The following RSF1 variants were observed in gnomAD, a reference collection of about 807,000 sequenced individuals.
The protein encoded by RSF1 is HBV pX-associated protein 8.
RSF1 carries 13 observed loss-of-function variants against 145.2 expected under a neutral mutation model. The ratio of observed to expected loss-of-function variants is 0.09; its 90% CI spans 0.06 to 0.14. The LOEUF is 0.14. RSF1 is among the 10% of genes least tolerant of loss of function. The probability of loss-of-function intolerance (pLI) is 1.00; values close to 1 mark genes in which losing one functional copy is unlikely to be tolerated. For missense variants in RSF1, 1,517 were observed against 1,718.2 expected, an observed-to-expected ratio of 0.88 and a Z score of 2.07; for synonymous variants, 577 against 592.6, an observed-to-expected ratio of 0.97 and a Z score of 0.38.
rs33925149 is a variant in RSF1, at chr11:77,780,824, CAA to C, written c.188-16137_188-16136del. Among the ~76,000 whole-genome samples, 430 of 127,820 alleles carry C rather than the reference CAA, an allele frequency of 3.4e-3. 5 individuals are homozygous for C. Among genetic ancestry groups the C allele is most frequent in the African/African-American group, 0.012 (410 of 34,728 alleles). 83.9% of individuals were successfully genotyped at this position (127,820 alleles called of 152,430 possible). ...TGGGTGACAGAGCGAGACTCCGTCTCAAAAAAAAAAAAAAAAAGAGACTATGA... is the reference window on the plus strand; with the variant it reads ...TGGGTGACAGAGCGAGACTCCGTCTCAAAAAAAAAAAAAAAGAGACTATGA... On this transcript the variant is annotated intron_variant, in intron 1 of 15. Transcript: ENST00000308488.
intron 1 of RSF1, among the ~76,000 whole-genome samples, chr11:77,780,705 G>A (rs1387444039): frequency 6.6e-6 from 1 of 151,670 alleles, no homozygotes; most frequent in African/African-American, 2.4e-5. Context: ...CATGCTGGTA[G>A]TCCCTGCTAC....
chr11:77,765,931 A>C lies in RSF1; in HGVS notation c.188-1242T>G, dbSNP rs139701274. ...CCCGGCTAGTTTTTGCATTTTTAGTAGAGACAGGGTTTCACCACGTTGGCC... is the reference window on the plus strand; with the variant it reads ...CCCGGCTAGTTTTTGCATTTTTAGTCGAGACAGGGTTTCACCACGTTGGCC... On this transcript the variant is annotated intron_variant, in intron 1 of 15. Transcript: ENST00000308488. 2.2e-4 allele frequency among the ~76,000 whole-genome samples: 34 copies of C among 152,202 alleles called. No individual in the cohort carries two copies. The East Asian group carries it at 6.6e-3, about 29-fold the overall frequency.
intron 5 of RSF1, among the ~76,000 whole-genome samples, chr11:77,706,240 C>CAA (rs1286243034): frequency 1.8e-3 from 110 of 61,028 alleles, no homozygotes; most frequent in African/African-American, 4.7e-3. Flanking sequence ...ACTCTGTCTC[C>CAA]AAAAAAAAAA....
In RSF1 at chr11:77,702,304, T is replaced by C. The variant is rs368981045; in HGVS notation, c.925A>G (p.Lys309Glu). Residue 309 changes from lysine to glutamate, a missense_variant, in exon 6 of 16, where the codon AAA (lysine) becomes GAA (glutamate). Lys to Glu is a moderately conservative substitution (Grantham distance 56, BLOSUM62 1). Around this residue, in one of 12 missense-constraint regions of RSF1, gnomAD observed 207 missense variants for 191.4 expected, o/e 1.08. Coordinates refer to ENST00000308488, the MANE Select transcript of RSF1 (RefSeq NM_016578.4). ...LPENEEKKII[K>E]EESDSFKENV... ...TCCTTGAAGGAATCACTTTCTTCTTTGATAATCTTTTTTTCTTCATTTTCT... is the reference window on the plus strand; with the variant it reads ...TCCTTGAAGGAATCACTTTCTTCTTCGATAATCTTTTTTTCTTCATTTTCT... 23 of 1,609,728 alleles carry C rather than the reference T, an allele frequency of 1.4e-5. No homozygotes were observed. In the East Asian group the frequency reaches 2.9e-4, roughly 20 times the overall value.
At chr11:77,717,304 A>G (rs1476955520) in intron 5 of RSF1, among the ~76,000 whole-genome samples, 1 of 152,112 alleles carries the variant, frequency 6.6e-6, no homozygotes, top group Non-Finnish European at 1.5e-5. Context: ...CACAGAGTTG[A>G]TAGAAGAGAT....
At chr11:77,707,042 T>C (rs1279582389) in intron 5 of RSF1, among the ~76,000 whole-genome samples, 1 of 152,226 alleles carries the variant, frequency 6.6e-6, no homozygotes, top group East Asian at 1.9e-4. Context: ...TATCTGATCC[T>C]TTCCCTATAA....
At chr11:77,813,360 C>G (rs547802720) in intron 1 of RSF1, 62 of 973,310 alleles carry the variant, frequency 6.4e-5, no homozygotes, top group Non-Finnish European at 9.0e-5. Context: ...ACTCCCGGCT[C>G]AAACTGATGG....
At chr11:77,714,193 C>T (rs534373683) in intron 5 of RSF1, among the ~76,000 whole-genome samples, 1 of 152,314 alleles carries the variant, frequency 6.6e-6, no homozygotes, top group African/African-American at 2.4e-5. Flanking sequence ...AGTTTCACAT[C>T]AGCGTGGAGC....
intron 1 of RSF1, among the ~76,000 whole-genome samples, chr11:77,783,268 G>A (rs1043092550): frequency 4.6e-5 from 7 of 151,986 alleles, no homozygotes; most frequent in African/African-American, 1.7e-4. Context: ...TGCAATACAT[G>A]GTGATTTTTG....
Position 77,676,780 on chromosome 11 carries a change from G to GA in RSF1, c.3341+11dup. ...GTATCTAGGGATCGGGGCCTAGTAG[G>GA]AGACCACACACCCATCACTGATCTT... On this transcript the variant is annotated intron_variant, in intron 13 of 15. Coordinates refer to ENST00000308488, the MANE Select transcript of RSF1 (RefSeq NM_016578.4). The GA allele has an allele frequency of 1.2e-6, 2 of 1,610,424 alleles. No individual in the cohort carries two copies. Among genetic ancestry groups the GA allele is most frequent in the Non-Finnish European group, 1.7e-6 (2 of 1,177,486 alleles).
At chr11:77,749,286 CG>C (rs1948035353) in intron 2 of RSF1, among the ~76,000 whole-genome samples, 1 of 151,982 alleles carries the variant, frequency 6.6e-6, no homozygotes. Flanking sequence ...ATTGTTTAAA[CG>C]GTAAATTTTC....
the RSF1 span, chr11:77,841,404 C>T: frequency 1.7e-6 from 1 of 591,056 alleles, no homozygotes; most frequent in African/African-American, 1.9e-5. Flanking sequence ...CCCAGTTTCC[C>T]AAGATTCTCC....
chr11:77,737,490 C>CA (rs1397522196), intron 4 of RSF1, among the ~76,000 whole-genome samples: 4 of 143,956 alleles, frequency 2.8e-5, no homozygotes, highest in African/African-American at 5.0e-5. Context: ...ACAACAACAA[C>CA]AAAAAAACGG....
chr11:77,851,205 G>A, the RSF1 span, among the ~76,000 whole-genome samples: 3 of 152,052 alleles, frequency 2.0e-5, no homozygotes, highest in Non-Finnish European at 2.9e-5. Flanking sequence ...CACCTGCCTC[G>A]GCCTCCCAAA....
At chr11:77,708,528 CAG>C (rs1300336703) in intron 5 of RSF1, among the ~76,000 whole-genome samples, 5 of 152,174 alleles carry the variant, frequency 3.3e-5, no homozygotes, top group African/African-American at 9.7e-5. Context: ...CTAGCCCACT[CAG>C]AAAGAGTTTT....
At chr11:77,847,026 G>C in the RSF1 span, among the ~76,000 whole-genome samples, 2 of 152,130 alleles carry the variant, frequency 1.3e-5, no homozygotes, top group African/African-American at 2.4e-5. Flanking sequence ...GCCCCAAACT[G>C]ATGTATGAGC....
At position 77,820,655 on chromosome 11, in the gene RSF1, G is replaced by A; in HGVS notation, c.60C>T (p.Cys20=). ...VMAPPGCPGS[C]PNFAVVCSFL... ...AGGAGCAGACTACGGCGAAGTTGGG[G>A]CACGAACCCGGGCAGCCCGGAGGAG... is the stretch of plus-strand genomic sequence containing the variant. Residue 20 remains cysteine, a synonymous_variant, in exon 1 of 16, where the codon TGC becomes TGT. Transcript: ENST00000308488. The A allele has an allele frequency of 1.3e-6, 2 of 1,559,998 alleles. No homozygotes were observed. The highest frequency in any genetic ancestry group is 1.9e-5 in the Admixed American group (1 of 51,524).
At position 77,721,459 on chromosome 11, in the gene RSF1, G is replaced by A. The variant is rs144574291; in HGVS notation, c.733+4086C>T. Reference sequence around the variant, plus strand: ...GGGGCTGAAATTATATGTAAGTGCAGCATTAAAAGGGCACAGGGACTCTGG... The same window carrying A: ...GGGGCTGAAATTATATGTAAGTGCAACATTAAAAGGGCACAGGGACTCTGG... On this transcript the variant is annotated intron_variant, in intron 5 of 15. Coordinates refer to ENST00000308488, the MANE Select transcript of RSF1 (RefSeq NM_016578.4). Among the ~76,000 whole-genome samples, 753 of 152,288 alleles carry A rather than the reference G, an allele frequency of 4.9e-3. 9 individuals carry two copies. Among genetic ancestry groups the A allele is most frequent in the African/African-American group, 0.017 (708 of 41,556 alleles).
intron 2 of RSF1, among the ~76,000 whole-genome samples, chr11:77,757,392 T>C (rs541029239): frequency 2.9e-4 from 44 of 152,168 alleles, no homozygotes; most frequent in Admixed American, 2.5e-3. Flanking sequence ...CAGCAAATAG[T>C]CTTGGGGCCA....
Sources: allele counts gnomAD v4.1 joint callset (sites outside exome capture counted in the v4.1 genomes callset), GRCh38; gene constraint gnomAD v4.1.1; regional missense constraint gnomAD v4.1.1; transcripts MANE v1.5; gene names NCBI Gene and HGNC (gene_info 2026-07-23, HGNC 2026-07-21).